Variants in PCLO observed in about 807,000 individuals in gnomAD.
PCLO encodes the protein protein piccolo.
PCLO carries 82 observed loss-of-function variants against 427.5 expected under a neutral mutation model. That is an observed-to-expected ratio of 0.19 (90% confidence interval 0.16 to 0.23). The LOEUF is 0.23. Ranked by LOEUF, PCLO falls within the 10% of genes least tolerant of loss-of-function variation. The pLI is 1.00. For missense variants in PCLO, 6,239 were observed against 6,115.9 expected (o/e 1.02, Z -0.67); for synonymous variants, 2,357 against 2,155.4 (o/e 1.09, Z -2.59).
intron 6 of PCLO, 119 bp from the exon 7 acceptor site, chr7:82,916,992 GATAAA>G (rs1221587131): frequency 1.5e-6 from 1 of 653,266 alleles, no homozygotes; most frequent in Non-Finnish European, 2.4e-6. Flanking sequence ...ATCGCAGCAT[GATAAA>G]ATAAAATATA....
chr7:82,914,621 T>C, intron 7 of PCLO, 65 bp downstream of exon 7: 3 of 1,497,292 alleles, frequency 2.0e-6, no homozygotes, highest in East Asian at 2.3e-5. Context: ...GAAGGGAAAT[T>C]AAACATGCAG....
chr7:82,770,501 C>T (rs1479680203), intron 22 of PCLO, among the ~76,000 whole-genome samples: 2 of 151,480 alleles, frequency 1.3e-5, no homozygotes, highest in African/African-American at 4.8e-5. Context: ...AACAAAAAAC[C>T]AATAAGATCT....
At position 82,916,554 on chromosome 7, in the gene PCLO, G is replaced by C; in HGVS notation, c.11432C>G (p.Ala3811Gly). The change falls in exon 7 of 25, where the codon GCC becomes GGC. Residue 3811 changes from alanine to glycine, a missense_variant. Physicochemically the swap from Ala to Gly is moderately conservative, Grantham distance 60 (BLOSUM62 0). This residue lies in a region of PCLO where 680 missense variants were observed against 677.3 expected (regional missense o/e 1.00). Coordinates refer to ENST00000333891, the MANE Select transcript of PCLO (RefSeq NM_033026.6). ...TCTCTTTTCTCTCTCCTTTAATAGGGCCTCTTTCCTCCTGTTAATTCCCAT... is the reference window on the plus strand; with the variant it reads ...TCTCTTTTCTCTCTCCTTTAATAGGCCCTCTTTCCTCCTGTTAATTCCCAT... ...LEMGINRRKEALLKEREKRER... is the reference protein window; with the variant it reads ...LEMGINRRKEGLLKEREKRER... The C allele has an allele frequency of 3.1e-6, 5 of 1,613,470 alleles. No individual in the cohort carries two copies. Among genetic ancestry groups the C allele is most frequent in the Non-Finnish European group, 4.2e-6 (5 of 1,179,654 alleles).
chr7:83,061,334 T>C (rs1789537890), intron 3 of PCLO, among the ~76,000 whole-genome samples: 1 of 152,206 alleles, frequency 6.6e-6, no homozygotes, highest in Admixed American at 6.5e-5. Flanking sequence ...GGCCAGCTTA[T>C]GAACAGTTTC....
intron 3 of PCLO, among the ~76,000 whole-genome samples, chr7:83,044,094 G>C (rs563752352): frequency 4.6e-5 from 7 of 151,718 alleles, no homozygotes; most frequent in African/African-American, 1.7e-4. Flanking sequence ...CAACCATGGC[G>C]GAAAGTGAAG....
chr7:82,784,463 T>C (rs1790941071), intron 22 of PCLO, among the ~76,000 whole-genome samples: 1 of 152,210 alleles, frequency 6.6e-6, no homozygotes, highest in African/African-American at 2.4e-5. Context: ...TTTTCTTTTT[T>C]AATTGCAGAT....
chr7:82,927,220 G>A (rs1230137437), intron 6 of PCLO, among the ~76,000 whole-genome samples: 1 of 152,144 alleles, frequency 6.6e-6, no homozygotes, highest in Non-Finnish European at 1.5e-5. Flanking sequence ...ATTGTACACT[G>A]CCTTTGGGGT....
intron 12 of PCLO, 88 bp from the exon 13 acceptor site, chr7:82,845,573 TA>T: frequency 2.4e-6 from 2 of 829,118 alleles, no homozygotes; most frequent in South Asian, 3.1e-5. Flanking sequence ...GTGACAAAGG[TA>T]AAACATTACC....
At chr7:83,148,229 G>C (rs1174788847) in intron 2 of PCLO, among the ~76,000 whole-genome samples, 1 of 152,058 alleles carries the variant, frequency 6.6e-6, no homozygotes, top group African/African-American at 2.4e-5. Flanking sequence ...AAAAATTCTA[G>C]ATTGCCAAGT....
chr7:82,781,887 G>A (rs1443579185), intron 22 of PCLO, among the ~76,000 whole-genome samples: 1 of 152,202 alleles, frequency 6.6e-6, no homozygotes, highest in Non-Finnish European at 1.5e-5. Flanking sequence ...GGTTCCTGGA[G>A]GGTGGCATGC....
At position 83,162,389 on chromosome 7, in the gene PCLO, C is replaced by T. The variant is rs1792464411; in HGVS notation, c.204G>A (p.Lys68=). The change falls in exon 1 of 25, where the codon AAG becomes AAA. Residue 68 remains lysine, a synonymous_variant. Coordinates refer to ENST00000333891, the MANE Select transcript of PCLO (RefSeq NM_033026.6). The part of the protein sequence containing the change: ...AVMSRAQGLP[K]GSVPPAAAES... Reference sequence around the variant, plus strand: ...CCGCAGCGGCCGGGGGGACGCTTCCCTTGGGCAGCCCCTGCGCCCTTGACA... The same window carrying T: ...CCGCAGCGGCCGGGGGGACGCTTCCTTTGGGCAGCCCCTGCGCCCTTGACA... 6.3e-7 allele frequency: 1 copy of T among 1,599,678 alleles called. No individual in the cohort carries two copies. The highest frequency in any genetic ancestry group is 8.5e-7 in the Non-Finnish European group (1 of 1,173,018).
In PCLO at chr7:83,155,160, G is replaced by C. The variant is rs762087233; in HGVS notation, c.1481C>G (p.Pro494Arg). 2 of 1,571,874 alleles carry C rather than the reference G, an allele frequency of 1.3e-6. No homozygotes were observed. The highest frequency in any genetic ancestry group is 3.0e-5 in the African/African-American group (2 of 66,614). ...PGPAKPPPQQ[P>R]GSAKPPSQQP... is the part of the protein sequence containing the mutation. The stretch of plus-strand genomic sequence containing the variant: ...TTGAGATGGGGGCTTTGCTGAGCCA[G>C]GCTGTTGAGGTGGGGGCTTTGCTGG... The change falls in exon 2 of 25, where the codon CCT (proline) becomes CGT (arginine). Residue 494 changes from proline (P) to arginine (R), a missense_variant. Around this residue, in one of 5 missense-constraint regions of PCLO, gnomAD observed 4,677 missense variants for 4,468.4 expected, o/e 1.05. Coordinates refer to ENST00000333891, the MANE Select transcript of PCLO (RefSeq NM_033026.6).
Position 82,826,589 on chromosome 7 carries a change from C to T in PCLO, c.14415G>A (p.Glu4805=). Residue 4805 remains glutamate (E), a splice_region_variant and synonymous_variant, in exon 18 of 25, where the codon GAG becomes GAA. Transcript: ENST00000333891. The part of the protein sequence containing the change: ...DRFSSNDFLG[E]VLIDLSSTSH... The stretch of plus-strand genomic sequence containing the variant: ...AAGGGAAAGGAAGTCAGAGGCTTAC[C>T]TCCCCAAGGAAGTCGTTGGATGAAA... The T allele has an allele frequency of 6.3e-7, 1 of 1,595,006 alleles. No individual in the cohort carries two copies. The highest frequency in any genetic ancestry group is 8.6e-7 in the Non-Finnish European group (1 of 1,165,986).
chr7:82,987,087 G>A (rs1796271962), intron 3 of PCLO, among the ~76,000 whole-genome samples: 1 of 151,944 alleles, frequency 6.6e-6, no homozygotes, highest in Admixed American at 6.6e-5. Context: ...GTAGATGGTA[G>A]AAACATATAA....
At chr7:83,144,543 A>G (rs530815037) in intron 2 of PCLO, among the ~76,000 whole-genome samples, 18 of 152,316 alleles carry the variant, frequency 1.2e-4, no homozygotes, top group African/African-American at 4.1e-4. Context: ...ACAACTGTCA[A>G]TTATTAAAAT....
At chr7:83,015,283 C>G (rs1273684296) in intron 3 of PCLO, among the ~76,000 whole-genome samples, 3 of 151,726 alleles carry the variant, frequency 2.0e-5, no homozygotes, top group Admixed American at 6.6e-5. Flanking sequence ...GTTCTGGACC[C>G]TGTGAAAATC....
chr7:82,942,073 G>A (rs554063141), intron 6 of PCLO, among the ~76,000 whole-genome samples: 70 of 152,270 alleles, frequency 4.6e-4, no homozygotes, highest in African/African-American at 1.6e-3. Context: ...CAGCTATTCA[G>A]AAGGCTGAGG....
intron 3 of PCLO, among the ~76,000 whole-genome samples, chr7:82,976,087 G>A (rs1365502991): frequency 1.3e-5 from 2 of 152,200 alleles, no homozygotes; most frequent in African/African-American, 2.4e-5. Context: ...TAGAAGCAAA[G>A]CAGTAGCCAT....
chr7:82,902,692 C>A lies in PCLO; in HGVS notation c.13487G>T (p.Arg4496Met). The change falls in exon 9 of 25, where the codon AGG (arginine) becomes ATG (methionine). Residue 4496 changes from arginine to methionine, a missense_variant. Arg to Met is a moderately conservative substitution (Grantham distance 91). Transcript: ENST00000333891. The part of the protein sequence containing the change: ...KTMHYIFPHA[R>M]IKITRDSKDH... ...CTTTGAGTCTCTTGTTATTTTTATC[C>A]TTGCGTGAGGAAAGATGTAGTGCAT... The A allele has an allele frequency of 6.2e-7, 1 of 1,601,436 alleles. No homozygotes were observed. Among genetic ancestry groups the A allele is most frequent in the Non-Finnish European group, 8.5e-7 (1 of 1,169,638 alleles).
Sources: allele counts gnomAD v4.1 joint callset (sites outside exome capture counted in the v4.1 genomes callset), GRCh38; gene constraint gnomAD v4.1.1; regional missense constraint gnomAD v4.1.1; transcripts MANE v1.5; gene names NCBI Gene and HGNC (gene_info 2026-07-23, HGNC 2026-07-21).